The following TNFRSF19 variants were observed in gnomAD, a reference collection of about 807,000 sequenced individuals.
TNFRSF19 encodes the protein TNF receptor superfamily member 19.
In TNFRSF19, 27 loss-of-function variants were observed where a neutral mutation model predicts 46.4. The ratio of observed to expected loss-of-function variants is 0.58; its 90% confidence interval spans 0.43 to 0.80. The LOEUF (loss-of-function observed/expected upper bound fraction) is 0.80. TNFRSF19 is among the 30% of genes least tolerant of loss of function. The pLI, the probability that TNFRSF19 is intolerant of heterozygous loss-of-function variation, is 0.00. For missense variants in TNFRSF19, 511 were observed against 530.8 expected, an observed-to-expected ratio of 0.96 and a Z score of 0.37; for synonymous variants, 204 against 205.0, an observed-to-expected ratio of 1.00 and a Z score of 0.04.
intron 4 of TNFRSF19, among the ~76,000 whole-genome samples, chr13:23,623,173 C>G (rs1442788056): frequency 1.3e-5 from 2 of 152,162 alleles, no homozygotes; most frequent in South Asian, 2.1e-4. Context: ...TTTGACTACT[C>G]TTAAGTACCT....
chr13:23,610,432 C>T (rs1170542858), intron 3 of TNFRSF19, among the ~76,000 whole-genome samples: 8 of 152,166 alleles, frequency 5.3e-5, no homozygotes, highest in African/African-American at 1.9e-4. Context: ...GTGGAAGTAG[C>T]CCAGCTGAAC....
chr13:23,583,193 C>G (rs917017923), intron 1 of TNFRSF19, among the ~76,000 whole-genome samples: 1 of 152,160 alleles, frequency 6.6e-6, no homozygotes, highest in African/African-American at 2.4e-5. Flanking sequence ...TTCGAATTCT[C>G]CAAATCTTCA....
rs992598747 is a variant in TNFRSF19 at position 23,593,422 on chromosome 13, C to A, written c.147C>A (p.Cys49Ter). The change falls in exon 3 of 10, where the codon TGC becomes TGA. Residue 49 changes from cysteine (C) to a stop codon, truncating the protein, a stop_gained. Coordinates refer to ENST00000248484, the MANE Select transcript of TNFRSF19 (RefSeq NM_148957.4). LOFTEE classifies it high-confidence loss of function. Reference sequence around the variant, plus strand: ...ATCGGTCTGGAAACTGTGTTCCCTGCAACCAGTGTGGGCCAGGCATGGAGT... The same window carrying A: ...ATCGGTCTGGAAACTGTGTTCCCTGAAACCAGTGTGGGCCAGGCATGGAGT... ...FRDRSGNCVP[C>*]NQCGPGMELS... is the part of the protein sequence containing the mutation. 1.9e-6 allele frequency: 3 copies of A among 1,603,178 alleles called. No homozygotes were observed. The highest frequency in any genetic ancestry group is 2.7e-5 in the African/African-American group (2 of 74,190).
chr13:23,625,068 A>G (rs1881907434), intron 4 of TNFRSF19, among the ~76,000 whole-genome samples: 1 of 151,956 alleles, frequency 6.6e-6, no homozygotes, highest in Admixed American at 6.6e-5. Context: ...GACTATTTTT[A>G]TATGTATTGG....
At chr13:23,574,092 T>C (rs1167720105) in intron 1 of TNFRSF19, among the ~76,000 whole-genome samples, 1 of 150,896 alleles carries the variant, frequency 6.6e-6, no homozygotes, top group African/African-American at 2.4e-5. Flanking sequence ...TCTATCTATC[T>C]ATATCTTGTG....
intron 3 of TNFRSF19, among the ~76,000 whole-genome samples, chr13:23,611,915 T>C (rs992684832): frequency 6.6e-6 from 1 of 152,084 alleles, no homozygotes; most frequent in South Asian, 2.1e-4. Flanking sequence ...TGGAGCACTG[T>C]CCAAGATGTA....
intron 1 of TNFRSF19, among the ~76,000 whole-genome samples, chr13:23,581,652 G>A (rs74369829): frequency 0.01 from 1,548 of 152,168 alleles, 36 homozygotes; most frequent in East Asian, 0.09. Context: ...CCTAGTTACA[G>A]CTCTGTTACA....
At chr13:23,630,067 G>C (rs1882253734) in intron 5 of TNFRSF19, among the ~76,000 whole-genome samples, 1 of 152,140 alleles carries the variant, frequency 6.6e-6, no homozygotes, top group African/African-American at 2.4e-5. Flanking sequence ...ACTTTGGGAG[G>C]CTGAGGTGGG....
chr13:23,639,404 T>A (rs59803085), intron 5 of TNFRSF19, among the ~76,000 whole-genome samples: 2,319 of 152,032 alleles, frequency 0.015, 65 homozygotes, highest in African/African-American at 0.053. Context: ...AAAGATAATT[T>A]AAAAAAAATT....
At chr13:23,666,995 G>A (rs1324844541) in intron 7 of TNFRSF19, among the ~76,000 whole-genome samples, 2 of 151,950 alleles carry the variant, frequency 1.3e-5, no homozygotes, top group African/African-American at 4.8e-5. Context: ...ATATGTAGAT[G>A]TATAATTTCT....
intron 1 of TNFRSF19, among the ~76,000 whole-genome samples, chr13:23,580,604 GTA>G (rs1452152644): frequency 2.0e-5 from 3 of 152,230 alleles, no homozygotes; most frequent in Non-Finnish European, 4.4e-5. Context: ...CTGCTTTCAT[GTA>G]GTCTTAAAAA....
intron 5 of TNFRSF19, among the ~76,000 whole-genome samples, chr13:23,658,760 T>C (rs987523682): frequency 7.9e-5 from 12 of 152,156 alleles, no homozygotes; most frequent in African/African-American, 2.9e-4. Context: ...AGAATTCTGC[T>C]CTGGTGGAGC....
chr13:23,638,010 G>A (rs1358836959), intron 5 of TNFRSF19, among the ~76,000 whole-genome samples: 9 of 152,190 alleles, frequency 5.9e-5, no homozygotes, highest in South Asian at 4.1e-4. Context: ...AGATGGCAGC[G>A]CCAGTTGAAG....
intron 3 of TNFRSF19, among the ~76,000 whole-genome samples, chr13:23,609,604 G>A (rs1880757468): frequency 1.3e-5 from 2 of 152,148 alleles, no homozygotes; most frequent in African/African-American, 4.8e-5. Flanking sequence ...CTCTGGCACA[G>A]TTTTCAAAGT....
chr13:23,579,953 G>A (rs1282043336), intron 1 of TNFRSF19, among the ~76,000 whole-genome samples: 2 of 152,234 alleles, frequency 1.3e-5, no homozygotes, highest in Non-Finnish European at 2.9e-5. Flanking sequence ...GGGTCTCGGG[G>A]CCGCATCCCG....
intron 4 of TNFRSF19, among the ~76,000 whole-genome samples, chr13:23,622,394 G>C (rs1218838066): frequency 6.6e-6 from 1 of 152,096 alleles, no homozygotes; most frequent in African/African-American, 2.4e-5. Flanking sequence ...GGGCAACAGA[G>C]CGAGACTCCA....
chr13:23,617,373 G>T (rs1378338457), intron 4 of TNFRSF19, among the ~76,000 whole-genome samples: 1 of 152,198 alleles, frequency 6.6e-6, no homozygotes, highest in African/African-American at 2.4e-5. Flanking sequence ...GAGCACCAGG[G>T]AGGAGGAAGT....
chr13:23,600,913 G>A (rs1030622324), intron 3 of TNFRSF19, among the ~76,000 whole-genome samples: 2 of 152,082 alleles, frequency 1.3e-5, no homozygotes, highest in African/African-American at 4.8e-5. Context: ...CATACTAAAA[G>A]GCAAAAAATA....
chr13:23,605,192 A>C (rs752538797), intron 3 of TNFRSF19, among the ~76,000 whole-genome samples: 1 of 152,252 alleles, frequency 6.6e-6, no homozygotes, highest in East Asian at 1.9e-4. Flanking sequence ...ACAGATGGCA[A>C]ATAAGCATAT....
Sources: allele counts gnomAD v4.1 joint callset (sites outside exome capture counted in the v4.1 genomes callset), GRCh38; gene constraint gnomAD v4.1.1; transcripts MANE v1.5; gene names NCBI Gene and HGNC (gene_info 2026-07-23, HGNC 2026-07-21).